Variants in ADORA2B observed in about 807,000 individuals in gnomAD.
The protein encoded by ADORA2B is adenosine receptor A2b.
ADORA2B carries 18 observed loss-of-function variants against 20.8 expected under a neutral mutation model. The observed-to-expected ratio is 0.87, with a 90% CI of 0.60 to 1.29. ADORA2B has a LOEUF of 1.29. Among genes scored for constraint, ADORA2B ranks in the 50% most tolerant of loss-of-function variants. The pLI is 0.00. For missense variants in ADORA2B, 441 were observed against 422.7 expected (o/e 1.04, Z -0.38); for synonymous variants, 179 against 178.3 (o/e 1.00, Z -0.03).
At chr17:15,878,063 GCATGCGTTT>G in the ADORA2B span, among the ~76,000 whole-genome samples, 6 of 152,074 alleles carry the variant, frequency 3.9e-5, no homozygotes, top group Non-Finnish European at 7.4e-5. Context: ...GACTGTGAGT[GCATGCGTTT>G]CATTGCTATC....
At chr17:15,915,386 C>T in the ADORA2B span, among the ~76,000 whole-genome samples, 1 of 152,238 alleles carries the variant, frequency 6.6e-6, no homozygotes, top group African/African-American at 2.4e-5. Context: ...TGCAGAGTCC[C>T]TTCTGCCATG....
chr17:15,864,074 C>G, the ADORA2B span: 1 of 206,890 alleles, frequency 4.8e-6, no homozygotes, highest in Admixed American at 4.4e-5. Flanking sequence ...AAGAAACCCT[C>G]TGGTGGCCTT....
chr17:15,905,286 G>GGC, the ADORA2B span, among the ~76,000 whole-genome samples: 1 of 150,350 alleles, frequency 6.7e-6, no homozygotes, highest in African/African-American at 2.4e-5. Context: ...GTTGTTGTTG[G>GGC]GGGGGGGTTG....
At chr17:15,876,433 C>T in the ADORA2B span, among the ~76,000 whole-genome samples, 8 of 136,622 alleles carry the variant, frequency 5.9e-5, no homozygotes, top group South Asian at 2.3e-4. Context: ...TTCTTTCTTT[C>T]TTTCTTTTCT....
the ADORA2B span, among the ~76,000 whole-genome samples, chr17:15,937,824 C>T: frequency 2.0e-5 from 3 of 152,288 alleles, no homozygotes; most frequent in East Asian, 1.9e-4. Flanking sequence ...CCACTCACCT[C>T]GGGCTCCCAA....
At chr17:15,882,167 G>C in the ADORA2B span, among the ~76,000 whole-genome samples, 3 of 152,164 alleles carry the variant, frequency 2.0e-5, no homozygotes, top group Non-Finnish European at 2.9e-5. Context: ...TAGAATTAGA[G>C]GCAAGAGGAT....
chr17:15,864,017 T>G, the ADORA2B span: 1 of 201,862 alleles, frequency 5.0e-6, no homozygotes, highest in Non-Finnish European at 1.1e-5. Context: ...TTCTAAACAT[T>G]AGCATCTTCT....
At chr17:15,892,036 C>CTTT in the ADORA2B span, among the ~76,000 whole-genome samples, 4 of 141,666 alleles carry the variant, frequency 2.8e-5, no homozygotes, top group African/African-American at 7.8e-5. Flanking sequence ...TTTTTTTGTA[C>CTTT]TTTTAGTAGA....
chr17:15,866,684 TCCC>T, the ADORA2B span, among the ~76,000 whole-genome samples: 2,424 of 135,628 alleles, frequency 0.018, 32 homozygotes, highest in Admixed American at 0.042. Context: ...CTTTTGGCTC[TCCC>T]TCTGCCTCTG....
chr17:15,879,832 C>T, the ADORA2B span, among the ~76,000 whole-genome samples: 286 of 149,262 alleles, frequency 1.9e-3, 8 homozygotes, highest in African/African-American at 7.0e-3. Flanking sequence ...CCACCGCACC[C>T]GGCCAAAGAT....
chr17:15,859,638 T>C, the ADORA2B span, among the ~76,000 whole-genome samples: 9 of 152,130 alleles, frequency 5.9e-5, no homozygotes, highest in Non-Finnish European at 1.3e-4. Flanking sequence ...TTCTGTATTT[T>C]TATGGTCCTT....
chr17:15,868,584 A>G, the ADORA2B span, among the ~76,000 whole-genome samples: 3 of 131,670 alleles, frequency 2.3e-5, 1 homozygote, highest in African/African-American at 8.1e-5. Flanking sequence ...CATCCTGGCT[A>G]ACACAGTGAA....
the ADORA2B span, among the ~76,000 whole-genome samples, chr17:15,916,421 A>G: frequency 0.32 from 48,836 of 151,710 alleles, 8,582 homozygotes; most frequent in African/African-American, 0.46. Context: ...CAAGACTCAC[A>G]TCTCCAACAA....
At chr17:15,945,996 A>G (rs578211490) in intron 1 of ADORA2B, among the ~76,000 whole-genome samples, 1 of 152,296 alleles carries the variant, frequency 6.6e-6, no homozygotes, top group African/African-American at 2.4e-5. Flanking sequence ...ACTCGCCCGC[A>G]GCGGCGGTGC....
In ADORA2B at chr17:15,974,774, G is replaced by A; in HGVS notation, c.431G>A (p.Trp144Ter). 3 of 1,613,880 alleles carry A rather than the reference G, an allele frequency of 1.9e-6. No individual in the cohort carries two copies. Among genetic ancestry groups the A allele is most frequent in the Non-Finnish European group, 2.5e-6 (3 of 1,179,930 alleles). The change falls in exon 2 of 2, where the codon TGG becomes TAG. Residue 144 changes from tryptophan to a stop codon, truncating the protein, a stop_gained. Transcript: ENST00000304222. LOFTEE classifies it high-confidence loss of function. ...FGIGLTPFLG[W>*]NSKDSATNNC... ...ATCGGATTGACTCCATTCCTGGGGT[G>A]GAACAGTAAAGACAGTGCCACCAAC...
At chr17:15,920,575 G>C in the ADORA2B span, among the ~76,000 whole-genome samples, 8 of 152,138 alleles carry the variant, frequency 5.3e-5, no homozygotes, top group Non-Finnish European at 1.2e-4. Context: ...ACAAAAATTA[G>C]CTGGGTGTGG....
the ADORA2B span, among the ~76,000 whole-genome samples, chr17:15,905,491 C>T: frequency 6.6e-6 from 1 of 152,162 alleles, no homozygotes; most frequent in Non-Finnish European, 1.5e-5. Context: ...AGTGATTCTC[C>T]TGCCTCAGCC....
the ADORA2B span, among the ~76,000 whole-genome samples, chr17:15,870,077 A>G: frequency 2.0e-5 from 3 of 149,240 alleles, no homozygotes; most frequent in Non-Finnish European, 4.4e-5. Context: ...ACACAGCTCC[A>G]CACATTCATT....
At chr17:15,962,978 T>C (rs892657520) in intron 1 of ADORA2B, among the ~76,000 whole-genome samples, 2 of 152,180 alleles carry the variant, frequency 1.3e-5, no homozygotes, top group Non-Finnish European at 2.9e-5. Flanking sequence ...GTACTAGCCA[T>C]TTTCCAAAGA....
Sources: allele counts gnomAD v4.1 joint callset (sites outside exome capture counted in the v4.1 genomes callset), GRCh38; gene constraint gnomAD v4.1.1; transcripts MANE v1.5; gene names NCBI Gene and HGNC (gene_info 2026-07-23, HGNC 2026-07-21).